Variants in NEBL observed in about 807,000 individuals in gnomAD.
NEBL encodes the protein LIM and SH3 protein 2.
A neutral mutation model predicts 140.2 loss-of-function variants in NEBL; 122 were observed. That is an observed-to-expected ratio of 0.87 (90% confidence interval 0.75 to 1.01). The LOEUF is 1.01. NEBL is among the 50% of genes least tolerant of loss of function. NEBL has a pLI of 0.00. For missense variants in NEBL, 1,365 were observed against 1,231.3 expected, an observed-to-expected ratio of 1.11 and a Z score of -1.62; for synonymous variants, 436 against 398.9, an observed-to-expected ratio of 1.09 and a Z score of -1.11.
intron 2 of NEBL, among the ~76,000 whole-genome samples, chr10:21,062,799 A>C (rs1055062268): frequency 1.3e-5 from 2 of 152,108 alleles, no homozygotes; most frequent in African/African-American, 4.8e-5. Flanking sequence ...CTACTACAAC[A>C]CACCAGCACT....
intron 3 of NEBL, among the ~76,000 whole-genome samples, chr10:20,992,801 G>A (rs113453202): frequency 0.061 from 7,183 of 117,294 alleles, 248 homozygotes; most frequent in Middle Eastern, 0.1. Flanking sequence ...TTTTTGAGGC[G>A]GAGTCTCGCT....
chr10:21,019,885 T>C (rs1045612319), intron 3 of NEBL, among the ~76,000 whole-genome samples: 1 of 152,246 alleles, frequency 6.6e-6, no homozygotes, highest in African/African-American at 2.4e-5. Flanking sequence ...GGAACTCATT[T>C]ACTTGCCCTA....
chr10:21,104,873 C>T (rs548199535), intron 2 of NEBL, among the ~76,000 whole-genome samples: 1 of 152,170 alleles, frequency 6.6e-6, no homozygotes, highest in South Asian at 2.1e-4. Context: ...TTGTAGATGC[C>T]CGATATCAGG....
At chr10:21,202,461 C>CTTTTTTTTTTTTTTTTTTTTTTTTTTTTT (rs35623208) in intron 3 of NEBL, among the ~76,000 whole-genome samples, 1 of 117,294 alleles carries the variant, frequency 8.5e-6, no homozygotes, top group Non-Finnish European at 1.7e-5. Context: ...TTTTCTTTTT[C>CTTTTTTTTTTTTTTTTTTTTTTTTTTTTT]TTTTTTTTTT....
intron 3 of NEBL, among the ~76,000 whole-genome samples, chr10:20,997,392 G>A (rs568810390): frequency 5.4e-5 from 8 of 147,376 alleles, no homozygotes; most frequent in Admixed American, 3.5e-4. Flanking sequence ...GCAAGGTGGG[G>A]AAGGAAGTGG....
At chr10:21,096,157 G>A (rs911316076) in intron 2 of NEBL, among the ~76,000 whole-genome samples, 2 of 152,110 alleles carry the variant, frequency 1.3e-5, no homozygotes, top group Non-Finnish European at 1.5e-5. Context: ...GACTTGGAGT[G>A]GAAAAAGCAT....
rs1370808041 is a variant in NEBL at position 20,950,164 on chromosome 10, A to AG, written c.357+11507dup. ...GCCTGTCAGGCTAACTACAAGCCGC[A>AG]GGGCATCGGGGGTCATCTGTGCTTT... On this transcript the variant is annotated intron_variant, in intron 4 of 6. Transcript: ENST00000417816. Among the ~76,000 whole-genome samples, 8 of 152,342 alleles carry AG rather than the reference A, an allele frequency of 5.3e-5. No individual in the cohort carries two copies. The South Asian group carries it at 1.0e-3, about 20-fold the overall frequency.
intron 3 of NEBL, among the ~76,000 whole-genome samples, chr10:20,973,969 G>A (rs1836687429): frequency 6.6e-6 from 1 of 152,142 alleles, no homozygotes; most frequent in Non-Finnish European, 1.5e-5. Context: ...TCTGCCCTTG[G>A]ATTTTATACC....
At chr10:21,169,670 A>C (rs1182622951) in intron 2 of NEBL, among the ~76,000 whole-genome samples, 1 of 152,190 alleles carries the variant, frequency 6.6e-6, no homozygotes. Context: ...CCTAAAGCTA[A>C]ATTTTAAATA....
At chr10:20,942,988 G>T (rs1320887030) in intron 4 of NEBL, among the ~76,000 whole-genome samples, 1 of 152,160 alleles carries the variant, frequency 6.6e-6, no homozygotes, top group African/African-American at 2.4e-5. Flanking sequence ...TACACTGTTG[G>T]TGGGACTGTA....
At chr10:20,947,765 G>A (rs138159238) in intron 4 of NEBL, among the ~76,000 whole-genome samples, 6 of 152,070 alleles carry the variant, frequency 3.9e-5, no homozygotes, top group East Asian at 1.9e-4. Context: ...ATGGAAGGAC[G>A]GCTTCATAGC....
chr10:20,833,791 G>C (rs1286503505), intron 14 of NEBL, among the ~76,000 whole-genome samples: 1 of 151,962 alleles, frequency 6.6e-6, no homozygotes, highest in Non-Finnish European at 1.5e-5. Flanking sequence ...ATGTCTACTA[G>C]GAAGGCAATA....
Position 20,824,215 on chromosome 10 carries a change from C to T in NEBL, c.1870-915G>A, listed in dbSNP as rs141895668. 2.2e-3 allele frequency among the ~76,000 whole-genome samples: 336 copies of T among 152,238 alleles called. 4 individuals are homozygous for T. The highest frequency in any genetic ancestry group is 0.017 in the Middle Eastern group (5 of 294). On this transcript the variant is annotated intron_variant, in intron 18 of 27. Coordinates refer to ENST00000377122, the MANE Select transcript of NEBL (RefSeq NM_006393.3). ...ATATGTAAGTATATGAAAGCATAGG[C>T]TCAACTTAAGAGGCCGTGTTGAAAT...
chr10:20,888,524 A>G (rs1846734270), intron 3 of NEBL, among the ~76,000 whole-genome samples: 3 of 152,248 alleles, frequency 2.0e-5, no homozygotes, highest in Admixed American at 2.0e-4. Context: ...TGAGCAAACA[A>G]TTCGAGTTGT....
intron 2 of NEBL, among the ~76,000 whole-genome samples, chr10:21,092,054 A>G (rs2131966543): frequency 6.6e-6 from 1 of 152,378 alleles, no homozygotes; most frequent in South Asian, 2.1e-4. Context: ...GTTATGTCGT[A>G]TCTTACAGAG....
At chr10:21,164,175 T>A (rs1840667067) in intron 2 of NEBL, among the ~76,000 whole-genome samples, 1 of 152,218 alleles carries the variant, frequency 6.6e-6, no homozygotes, top group African/African-American at 2.4e-5. Context: ...ATAAATATTA[T>A]TCTAGATTCC....
intron 2 of NEBL, among the ~76,000 whole-genome samples, chr10:21,052,412 C>A (rs780807450): frequency 2.6e-5 from 4 of 152,134 alleles, no homozygotes; most frequent in Non-Finnish European, 5.9e-5. Flanking sequence ...GAATGATAGG[C>A]AGCTAACAAT....
At chr10:21,223,175 A>G (rs1413682102) in intron 3 of NEBL, among the ~76,000 whole-genome samples, 2 of 152,194 alleles carry the variant, frequency 1.3e-5, no homozygotes, top group African/African-American at 4.8e-5. Context: ...GCACTCATTA[A>G]TCAGTCCCAC....
chr10:21,026,046 T>C (rs972735468), intron 2 of NEBL, among the ~76,000 whole-genome samples: 3 of 152,210 alleles, frequency 2.0e-5, no homozygotes, highest in African/African-American at 7.2e-5. Context: ...TTCCTGGTTC[T>C]CTCATGAAGT....
Sources: allele counts gnomAD v4.1 joint callset (sites outside exome capture counted in the v4.1 genomes callset), GRCh38; gene constraint gnomAD v4.1.1; transcripts MANE v1.5; gene names NCBI Gene and HGNC (gene_info 2026-07-23, HGNC 2026-07-21).